The following PIK3R5 variants were observed in gnomAD, a reference collection of about 807,000 sequenced individuals.
The protein encoded by PIK3R5 is phosphoinositide-3-kinase regulatory subunit 5.
In PIK3R5, 32 loss-of-function variants were observed where a neutral mutation model predicts 94.9. The observed-to-expected ratio is 0.34, with a 90% confidence interval of 0.25 to 0.45. PIK3R5 has a LOEUF of 0.45. PIK3R5 is among the 20% of genes least tolerant of loss of function. The pLI is 1.00. For missense variants in PIK3R5, 853 were observed against 1,144.6 expected (o/e 0.75, Z 3.68); for synonymous variants, 443 against 479.4 (o/e 0.92, Z 0.99).
chr17:8,893,487 G>A lies in PIK3R5; in HGVS notation c.482+99C>T. On this transcript the variant is annotated intron_variant, in intron 6 of 18. Coordinates refer to ENST00000447110, the MANE Select transcript of PIK3R5 (RefSeq NM_001142633.3). The surrounding 1 kb of genome is among the most constrained non-coding windows in gnomAD (Gnocchi z 5.1). The stretch of plus-strand genomic sequence containing the variant: ...CTGGCTGGGGTGGACAGGGGGTGGG[G>A]GCACTGGATGTTTGAGTGGGGGAGG... 1.1e-6 allele frequency: 1 copy of A among 931,630 alleles called. No homozygotes were observed. Among genetic ancestry groups the A allele is most frequent in the Non-Finnish European group, 1.7e-6 (1 of 572,152 alleles). The allele number at this position is 931,630 out of a possible 1,614,324, so 57.7% of individuals were successfully genotyped here. A position where few individuals can be genotyped will look rare whatever the true frequency, so the allele number is the denominator to read the frequency against.
chr17:8,905,032 G>A (rs746880784), intron 4 of PIK3R5, 117 bp from the exon 5 acceptor site: 44 of 1,127,228 alleles, frequency 3.9e-5, no homozygotes, highest in East Asian at 7.2e-5. Context: ...TTTCCTGGCC[G>A]CAGCGTGTCC....
chr17:8,910,090 T>C (rs1342411280), intron 2 of PIK3R5, among the ~76,000 whole-genome samples: 1 of 152,092 alleles, frequency 6.6e-6, no homozygotes, highest in Non-Finnish European at 1.5e-5. Flanking sequence ...TCAGCAAGGG[T>C]AAACCCCTAA....
chr17:8,898,649 C>A (rs904184300), intron 5 of PIK3R5, among the ~76,000 whole-genome samples: 1 of 152,200 alleles, frequency 6.6e-6, no homozygotes, highest in Non-Finnish European at 1.5e-5. Context: ...ATGGGACCAA[C>A]CTATGACGGT....
At chr17:8,921,316 G>T (rs995569504) in intron 1 of PIK3R5, among the ~76,000 whole-genome samples, 8 of 151,898 alleles carry the variant, frequency 5.3e-5, no homozygotes, top group Admixed American at 5.2e-4. Flanking sequence ...CCTTTATTTT[G>T]GTTCATGTCT....
Position 8,893,248 on chromosome 17 carries a change from G to A in PIK3R5, c.482+338C>T, listed in dbSNP as rs945622998. On this transcript the variant is annotated intron_variant, in intron 6 of 18. Coordinates refer to ENST00000447110, the MANE Select transcript of PIK3R5 (RefSeq NM_001142633.3). The surrounding 1 kb of genome is among the most constrained non-coding windows in gnomAD (Gnocchi z 5.1). ...TCTGGCTCGTACCCTTGCTCGCTGTGTGACCTTGGGGAAGTTGCTTGACCT... is the reference window on the plus strand; with the variant it reads ...TCTGGCTCGTACCCTTGCTCGCTGTATGACCTTGGGGAAGTTGCTTGACCT... 6.6e-6 allele frequency among the ~76,000 whole-genome samples: 1 copy of A among 152,134 alleles called. No individual in the cohort carries two copies. Among genetic ancestry groups the A allele is most frequent in the African/African-American group, 2.4e-5 (1 of 41,412 alleles).
rs758605218 is a variant in PIK3R5 at position 8,887,579 on chromosome 17, G to A, written c.1721C>T (p.Pro574Leu). 1 of 1,609,506 alleles carries A rather than the reference G, an allele frequency of 6.2e-7. No individual in the cohort carries two copies. Among genetic ancestry groups the A allele is most frequent in the South Asian group, 1.1e-5 (1 of 90,092 alleles). The change falls in exon 11 of 19, where the codon CCC becomes CTC. Residue 574 changes from proline to leucine, a missense_variant. By Grantham distance (98) the Pro-to-Leu change is moderately conservative. Coordinates refer to ENST00000447110, the MANE Select transcript of PIK3R5 (RefSeq NM_001142633.3). ...GGGTGAGGGCGTCTGGCTCCGAGGG[G>A]GTGGACAGGCACCAGGGCTGGTCCC... ...SHGTSPGACP[P>L]PRSQTPSPPT... is the part of the protein sequence containing the mutation.
rs916059701 is a variant in PIK3R5, at chr17:8,896,006, G to A, written c.413-2351C>T. On this transcript the variant is annotated intron_variant, in intron 5 of 18. Transcript: ENST00000447110. This position sits in a 1 kb window ranked among gnomAD's most constrained non-coding sequence, Gnocchi z 4.0. ...GCTTAGCATGGGGTGTGGGGTTTTG[G>A]GGTAATTAACTGGTGGGCTGGGGCC... Among the ~76,000 whole-genome samples the A allele has an allele frequency of 6.6e-6, 1 of 152,122 alleles. No individual in the cohort carries two copies. The highest frequency in any genetic ancestry group is 2.4e-5 in the African/African-American group (1 of 41,432).
chr17:8,905,617 C>G, intron 4 of PIK3R5, 52 bp downstream of exon 4: 11 of 1,382,706 alleles, frequency 8.0e-6, no homozygotes, highest in Non-Finnish European at 1.1e-5. Context: ...AGATAGAGGT[C>G]GCTCCTCCCC....
chr17:8,901,325 C>T (rs2090277281), intron 5 of PIK3R5, among the ~76,000 whole-genome samples: 1 of 152,144 alleles, frequency 6.6e-6, no homozygotes, highest in Non-Finnish European at 1.5e-5. Flanking sequence ...GAGGTGAGGA[C>T]CTTGTTATAG....
chr17:8,961,242 G>T (rs2091557917), intron 1 of PIK3R5, among the ~76,000 whole-genome samples: 1 of 152,172 alleles, frequency 6.6e-6, no homozygotes, highest in Non-Finnish European at 1.5e-5. Context: ...GTCTCCTCAG[G>T]CTACAGGAGA....
At chr17:8,894,301 T>C (rs533248745) in intron 5 of PIK3R5, among the ~76,000 whole-genome samples, 2 of 152,266 alleles carry the variant, frequency 1.3e-5, no homozygotes, top group South Asian at 4.1e-4. Context: ...TACTCCTCGG[T>C]CCCTGCCGCT....
intron 5 of PIK3R5, among the ~76,000 whole-genome samples, chr17:8,894,661 A>G (rs549078126): frequency 3.9e-4 from 60 of 152,322 alleles, no homozygotes; most frequent in Non-Finnish European, 6.8e-4. Flanking sequence ...TACAGTGTGC[A>G]TTCAGTTCTG....
chr17:8,941,611 G>A (rs2091180910), intron 1 of PIK3R5, among the ~76,000 whole-genome samples: 1 of 152,246 alleles, frequency 6.6e-6, no homozygotes, highest in African/African-American at 2.4e-5. Flanking sequence ...AGGCACAGCC[G>A]CAGAATTTGC....
rs1351311060 is a variant in PIK3R5, at chr17:8,904,353, A to G, written c.412+424T>C. Among the ~76,000 whole-genome samples the G allele has an allele frequency of 1.3e-5, 2 of 152,102 alleles. No homozygotes were observed. The highest frequency in any genetic ancestry group is 4.8e-5 in the African/African-American group (2 of 41,408). On this transcript the variant is annotated intron_variant, in intron 5 of 18. Transcript: ENST00000447110. This position sits in a 1 kb window ranked among gnomAD's most constrained non-coding sequence, Gnocchi z 5.1. ...AGTACCAGCCACCTTCCCCAACCCA[A>G]ACTGCATCAACCCACACACACAATT...
chr17:8,913,746 G>A (rs2090576710), intron 1 of PIK3R5, among the ~76,000 whole-genome samples: 1 of 152,156 alleles, frequency 6.6e-6, no homozygotes, highest in African/African-American at 2.4e-5. Flanking sequence ...CCTTTCATTG[G>A]TGACTCAAGA....
intron 1 of PIK3R5, among the ~76,000 whole-genome samples, chr17:8,964,332 A>G (rs1424868239): frequency 1.3e-5 from 2 of 152,168 alleles, no homozygotes; most frequent in Non-Finnish European, 2.9e-5. Context: ...TTAAGGCTGC[A>G]GTGAGCCATG....
intron 15 of PIK3R5, among the ~76,000 whole-genome samples, chr17:8,883,292 A>C (rs2089725724): frequency 6.6e-6 from 1 of 152,172 alleles, no homozygotes; most frequent in Admixed American, 6.5e-5. Flanking sequence ...TGCTTGAACC[A>C]GGGAGGCGGA....
At chr17:8,894,320 TC>T (rs1341490019) in intron 5 of PIK3R5, among the ~76,000 whole-genome samples, 1 of 152,152 alleles carries the variant, frequency 6.6e-6, no homozygotes, top group East Asian at 1.9e-4. Context: ...CTGCCCCCTC[TC>T]CCGGTCCGGG....
Position 8,931,519 on chromosome 17 carries a change from C to T in PIK3R5, c.-13-20012G>A, listed in dbSNP as rs139084683. ...CTGGGTTTCTGCTGGAAGGCACTTCCGTTGTTTGAAGCATAGAGGTAGAAT... is the reference window on the plus strand; with the variant it reads ...CTGGGTTTCTGCTGGAAGGCACTTCTGTTGTTTGAAGCATAGAGGTAGAAT... On this transcript the variant is annotated intron_variant, in intron 1 of 18. Transcript: ENST00000447110. Among the ~76,000 whole-genome samples the T allele has an allele frequency of 4.3e-4, 65 of 152,212 alleles. No homozygotes were observed. The East Asian group carries it at 7.9e-3, about 19-fold the overall frequency.
Sources: gnomAD v4.1 joint callset for allele counts (sites outside exome capture counted in the v4.1 genomes callset) on GRCh38, gnomAD v4.1.1 for gene constraint, Gnocchi (gnomAD v3.1) non-coding constraint, MANE v1.5 for transcripts, NCBI Gene and HGNC (gene_info 2026-07-23, HGNC 2026-07-21) for gene names.